Variants in DGLUCY observed in about 807,000 individuals in gnomAD.
The protein encoded by DGLUCY is D-glutamate cyclase.
In DGLUCY, 58 loss-of-function variants were observed where a neutral mutation model predicts 58.5. That is an observed-to-expected ratio of 0.99 (90% CI 0.80 to 1.23). The LOEUF (loss-of-function observed/expected upper bound fraction) is 1.23, where lower values mean the gene tolerates loss of function less well. Among genes scored for constraint, DGLUCY ranks in the 50% most tolerant of loss-of-function variants. The pLI, the probability that DGLUCY is intolerant of heterozygous loss-of-function variation, is 0.00. For missense variants in DGLUCY, 779 were observed against 784.7 expected, an observed-to-expected ratio of 0.99 and a Z score of 0.09; for synonymous variants, 325 against 314.1, an observed-to-expected ratio of 1.03 and a Z score of -0.37.
chr14:91,195,193 C>T (rs1167116024), intron 9 of DGLUCY, among the ~76,000 whole-genome samples: 1 of 152,174 alleles, frequency 6.6e-6, no homozygotes. Flanking sequence ...GGGTCCAAGA[C>T]ACCCTGCTCC....
At chr14:91,146,000 T>C (rs1175715046) in intron 1 of DGLUCY, among the ~76,000 whole-genome samples, 2 of 152,152 alleles carry the variant, frequency 1.3e-5, no homozygotes, top group Non-Finnish European at 2.9e-5. Flanking sequence ...CGCATCAGTC[T>C]CCCGAGTAGC....
At chr14:91,108,099 CG>C in intron 1 of DGLUCY, 1 of 152,708 alleles carries the variant, frequency 6.5e-6, no homozygotes, top group Non-Finnish European at 1.5e-5. Context: ...TGTGGGGTGC[CG>C]GGGGAGAAGG....
chr14:91,222,601 C>T (rs866933296), intron 13 of DGLUCY, among the ~76,000 whole-genome samples: 4 of 152,208 alleles, frequency 2.6e-5, no homozygotes, highest in Admixed American at 6.5e-5. Flanking sequence ...CAGGGCAGAA[C>T]AGAAATGCAG....
At chr14:91,197,456 C>A (rs1327522644) in intron 10 of DGLUCY, among the ~76,000 whole-genome samples, 6 of 152,212 alleles carry the variant, frequency 3.9e-5, no homozygotes, top group Admixed American at 6.5e-5. Flanking sequence ...ACTACACTCA[C>A]ATTGCTGTAC....
rs140783229 is a variant in DGLUCY at position 91,168,349 on chromosome 14, C to A, written c.257+971C>A. 2.8e-3 allele frequency among the ~76,000 whole-genome samples: 419 copies of A among 151,966 alleles called. 4 individuals carry two copies. The highest frequency in any genetic ancestry group is 9.6e-3 in the African/African-American group (398 of 41,412). ...CAGCCTGATCTCAAGCCCATGGTGACCTGGCCCCAGCTCAGTTTCTCCCCT... is the reference window on the plus strand; with the variant it reads ...CAGCCTGATCTCAAGCCCATGGTGAACTGGCCCCAGCTCAGTTTCTCCCCT... On this transcript the variant is annotated intron_variant, in intron 4 of 13. Coordinates refer to ENST00000256324, the MANE Select transcript of DGLUCY (RefSeq NM_001102368.3).
At chr14:91,111,766 G>A (rs1182275402), upstream of DGLUCY, among the ~76,000 whole-genome samples, 1 of 152,166 alleles carries the variant, frequency 6.6e-6, no homozygotes, top group African/African-American at 2.4e-5. Context: ...GAATTTTGGA[G>A]GAATACAAAC....
intron 9 of DGLUCY, among the ~76,000 whole-genome samples, chr14:91,192,149 A>G (rs1279147000): frequency 6.6e-6 from 1 of 152,210 alleles, no homozygotes; most frequent in Non-Finnish European, 1.5e-5. Context: ...GATAGATAAA[A>G]TGTGGTATAT....
At chr14:91,168,516 G>A (rs1199405316) in intron 4 of DGLUCY, among the ~76,000 whole-genome samples, 3 of 151,996 alleles carry the variant, frequency 2.0e-5, no homozygotes, top group East Asian at 1.9e-4. Flanking sequence ...ATTTTTCCCC[G>A]GTGCCTCCTG....
intron 5 of DGLUCY, among the ~76,000 whole-genome samples, chr14:91,171,180 A>G (rs1161105934): frequency 6.6e-6 from 1 of 152,156 alleles, no homozygotes; most frequent in Non-Finnish European, 1.5e-5. Flanking sequence ...TTAGATGAGG[A>G]AACCGAGGTC....
Position 91,086,321 on chromosome 14 carries a change from G to A in DGLUCY, c.-82+25617G>A, listed in dbSNP as rs190012614. ...CTTCAATTATCCCCAAACCATCCCCGACCCCCTGCCTGGTCCATGGAAAAA... is the reference window on the plus strand; with the variant it reads ...CTTCAATTATCCCCAAACCATCCCCAACCCCCTGCCTGGTCCATGGAAAAA... On this transcript the variant is annotated intron_variant, in intron 1 of 4. Coordinates refer to the DGLUCY transcript ENST00000521334. 4.7e-3 allele frequency among the ~76,000 whole-genome samples: 716 copies of A among 152,072 alleles called. 4 individuals carry two copies. The highest frequency in any genetic ancestry group is 7.6e-3 in the Non-Finnish European group (515 of 67,974).
At chr14:91,115,311 G>C (rs1266230575) in intron 1 of DGLUCY, 2 of 152,868 alleles carry the variant, frequency 1.3e-5, no homozygotes, top group Non-Finnish European at 2.9e-5. Context: ...GTGGAGTGAA[G>C]CTGAGGAAGC....
intron 1 of DGLUCY, among the ~76,000 whole-genome samples, chr14:91,136,957 G>A (rs533914756): frequency 2.0e-5 from 3 of 151,096 alleles, no homozygotes; most frequent in South Asian, 2.1e-4. Flanking sequence ...CAACAAAAGC[G>A]AAACTTTGTC....
At chr14:91,204,920 G>T (rs1443410825) in intron 12 of DGLUCY, 95 bp downstream of exon 12, 1 of 1,553,806 alleles carries the variant, frequency 6.4e-7, no homozygotes, top group African/African-American at 1.4e-5. Context: ...CTTCTCTGCA[G>T]TCAGTCCATA....
intron 1 of DGLUCY, among the ~76,000 whole-genome samples, chr14:91,129,396 A>G (rs568587424): frequency 1.3e-5 from 2 of 151,998 alleles, no homozygotes; most frequent in South Asian, 4.2e-4. Context: ...TAAGTACTAT[A>G]TGGTTCGGTT....
chr14:91,217,130 C>T (rs1291259236), intron 13 of DGLUCY, among the ~76,000 whole-genome samples: 1 of 152,218 alleles, frequency 6.6e-6, no homozygotes, highest in Non-Finnish European at 1.5e-5. Context: ...ATTCACAATG[C>T]CTCAGTGCTT....
chr14:91,215,835 T>C, intron 13 of DGLUCY: 1 of 1,074,710 alleles, frequency 9.3e-7, no homozygotes, highest in East Asian at 4.3e-5. Context: ...TCTTCATCTG[T>C]AAAATGGGGG....
chr14:91,091,689 T>C (rs995110665), intron 1 of DGLUCY, among the ~76,000 whole-genome samples: 2 of 152,052 alleles, frequency 1.3e-5, no homozygotes, highest in South Asian at 2.1e-4. Flanking sequence ...GGGCAGAAGA[T>C]AGTTGGTATA....
At chr14:91,181,089 G>T (rs2049141535) in intron 7 of DGLUCY, 97 bp from the exon 8 acceptor site, 1 of 1,163,494 alleles carries the variant, frequency 8.6e-7, no homozygotes, top group Admixed American at 2.0e-5. Flanking sequence ...CTGAGTTGAT[G>T]GCCAGGTGCC....
rs905160890 is a variant in DGLUCY at position 91,091,316 on chromosome 14, T to C, written c.-82+30612T>C. 2.8e-4 allele frequency among the ~76,000 whole-genome samples: 43 copies of C among 151,018 alleles called. No individual in the cohort carries two copies. The East Asian group carries it at 3.9e-3, about 14-fold the overall frequency. ...TGGGTGGGTCACTTGAGCTCTGGAG[T>C]TCAAGACAAGCCTGGGCAACATGGT... On this transcript the variant is annotated intron_variant, in intron 1 of 4. Coordinates refer to the DGLUCY transcript ENST00000521334.
Sources: gnomAD v4.1 joint callset for allele counts (sites outside exome capture counted in the v4.1 genomes callset) on GRCh38, gnomAD v4.1.1 for gene constraint, MANE v1.5 for transcripts, NCBI Gene and HGNC (gene_info 2026-07-23, HGNC 2026-07-21) for gene names.